EXOC4: variants seen among roughly 807,000 people sequenced by gnomAD.
The protein encoded by EXOC4 is SEC8-like 1.
Under a neutral mutation model 107.2 loss-of-function variants are expected in EXOC4, and 71 were observed. That is an observed-to-expected ratio of 0.66 (90% CI 0.55 to 0.81). EXOC4 has a LOEUF of 0.81. Among genes scored for constraint, EXOC4 ranks in the 30% least tolerant of loss-of-function variants. The pLI is 0.00. For missense variants in EXOC4, 1,108 were observed against 1,189.6 expected (o/e 0.93, Z 1.01); for synonymous variants, 456 against 441.2 (o/e 1.03, Z -0.42).
chr7:133,883,935 T>C (rs536671448), intron 11 of EXOC4, among the ~76,000 whole-genome samples: 1 of 152,378 alleles, frequency 6.6e-6, no homozygotes, highest in South Asian at 2.1e-4. Context: ...TATTTCCTTT[T>C]GGCTTCTATC....
At chr7:133,464,651 G>A (rs1392990027) in intron 7 of EXOC4, among the ~76,000 whole-genome samples, 6 of 151,980 alleles carry the variant, frequency 3.9e-5, no homozygotes, top group Admixed American at 2.0e-4. Flanking sequence ...TCGGAATCAA[G>A]GAGACTGAGA....
the EXOC4 span, among the ~76,000 whole-genome samples, chr7:134,074,652 T>C: frequency 6.6e-6 from 1 of 152,204 alleles, no homozygotes; most frequent in Non-Finnish European, 1.5e-5. Flanking sequence ...AGGTCTCGAC[T>C]GCCACTCCCA....
intron 14 of EXOC4, among the ~76,000 whole-genome samples, chr7:133,955,488 T>C (rs1028643037): frequency 6.6e-6 from 1 of 152,162 alleles, no homozygotes; most frequent in Non-Finnish European, 1.5e-5. Flanking sequence ...TTTTCTGGGC[T>C]TCAGAGGGGA....
intron 10 of EXOC4, among the ~76,000 whole-genome samples, chr7:133,737,872 A>C (rs1353796259): frequency 2.1e-5 from 3 of 140,074 alleles, no homozygotes; most frequent in Admixed American, 2.1e-4. Flanking sequence ...GATTCTTTTA[A>C]CTTTGCCCAC....
At chr7:133,636,821 A>G (rs1802723442) in intron 10 of EXOC4, among the ~76,000 whole-genome samples, 1 of 152,228 alleles carries the variant, frequency 6.6e-6, no homozygotes, top group Admixed American at 6.5e-5. Context: ...CCTGGCATCT[A>G]GGTCAGTTAA....
At chr7:133,471,406 T>G in intron 7 of EXOC4, among the ~76,000 whole-genome samples, 1 of 138,520 alleles carries the variant, frequency 7.2e-6, no homozygotes. Context: ...GAGCAAGACT[T>G]CATCTCAAAA....
At chr7:133,999,886 C>T (rs1794492180) in intron 15 of EXOC4, among the ~76,000 whole-genome samples, 1 of 152,168 alleles carries the variant, frequency 6.6e-6, no homozygotes, top group Non-Finnish European at 1.5e-5. Context: ...CTTCTTAATA[C>T]TGAACATGCT....
chr7:133,623,879 C>T lies in EXOC4; in HGVS notation c.1418-6166C>T, dbSNP rs958956616. Among the ~76,000 whole-genome samples the T allele has an allele frequency of 4.6e-5, 7 of 152,086 alleles. No homozygotes were observed. The East Asian group carries it at 9.6e-4, about 21-fold the overall frequency. ...AGCAACAGCATTAAGCCATAATGAT[C>T]GCATGTGCTTTAAGAATAAGCACTT... On this transcript the variant is annotated intron_variant, in intron 9 of 17. Coordinates refer to ENST00000253861, the MANE Select transcript of EXOC4 (RefSeq NM_021807.4).
intron 3 of EXOC4, among the ~76,000 whole-genome samples, chr7:133,299,921 C>T (rs533158267): frequency 4.6e-5 from 7 of 152,296 alleles, no homozygotes; most frequent in African/African-American, 1.7e-4. Flanking sequence ...CTCTCTGGAG[C>T]ATTATCATTT....
intron 9 of EXOC4, among the ~76,000 whole-genome samples, chr7:133,505,782 TA>T (rs893544092): frequency 2.6e-5 from 4 of 152,166 alleles, no homozygotes; most frequent in Non-Finnish European, 5.9e-5. Context: ...TAGATTCTTT[TA>T]AATAATGTAA....
intron 10 of EXOC4, among the ~76,000 whole-genome samples, chr7:133,655,196 T>TAA (rs1803261229): frequency 1.5e-5 from 2 of 137,294 alleles, no homozygotes; most frequent in Non-Finnish European, 3.2e-5. Context: ...AAATAAACTT[T>TAA]ATTTTAAAAA....
intron 10 of EXOC4, among the ~76,000 whole-genome samples, chr7:133,787,508 T>C (rs1796599965): frequency 6.6e-6 from 1 of 152,074 alleles, no homozygotes; most frequent in Non-Finnish European, 1.5e-5. Flanking sequence ...GAGACAGGCT[T>C]ACTGTCTTAG....
intron 14 of EXOC4, among the ~76,000 whole-genome samples, chr7:133,963,615 A>G (rs1800996232): frequency 6.6e-6 from 1 of 152,254 alleles, no homozygotes; most frequent in South Asian, 2.1e-4. Flanking sequence ...CGCTTAAATT[A>G]TTAGAGAGTT....
intron 10 of EXOC4, among the ~76,000 whole-genome samples, chr7:133,724,141 G>C (rs1795166685): frequency 6.6e-6 from 1 of 152,182 alleles, no homozygotes; most frequent in Non-Finnish European, 1.5e-5. Context: ...TAGGCTGTCA[G>C]ACTAATCAAT....
chr7:133,502,051 A>G (rs746847514), intron 9 of EXOC4, among the ~76,000 whole-genome samples: 1 of 152,190 alleles, frequency 6.6e-6, no homozygotes, highest in Non-Finnish European at 1.5e-5. Flanking sequence ...CAGGGCCGCA[A>G]TTAACACTCG....
intron 9 of EXOC4, among the ~76,000 whole-genome samples, chr7:133,560,380 A>G (rs946464889): frequency 2.6e-5 from 4 of 152,046 alleles, no homozygotes; most frequent in Non-Finnish European, 4.4e-5. Flanking sequence ...CACCTCCTGG[A>G]TTCAATTGAT....
intron 9 of EXOC4, among the ~76,000 whole-genome samples, chr7:133,578,835 G>A (rs1801189799): frequency 6.6e-6 from 1 of 152,004 alleles, no homozygotes; most frequent in Non-Finnish European, 1.5e-5. Flanking sequence ...GTGTTAAGGT[G>A]GTGTTGAAAT....
chr7:133,428,939 A>G (rs1346982350), intron 7 of EXOC4, among the ~76,000 whole-genome samples: 1 of 152,050 alleles, frequency 6.6e-6, no homozygotes, highest in Non-Finnish European at 1.5e-5. Flanking sequence ...AATGTTATAC[A>G]TATGTGTAGA....
At chr7:133,683,612 T>C (rs1467739894) in intron 10 of EXOC4, among the ~76,000 whole-genome samples, 1 of 152,116 alleles carries the variant, frequency 6.6e-6, no homozygotes. Flanking sequence ...TAATTTCTAG[T>C]AAAGCCCCCG....
Sources: gnomAD v4.1 joint callset for allele counts (sites outside exome capture counted in the v4.1 genomes callset) on GRCh38, gnomAD v4.1.1 for gene constraint, MANE v1.5 for transcripts, NCBI Gene and HGNC (gene_info 2026-07-23, HGNC 2026-07-21) for gene names.